KIF13A: variants seen among roughly 807,000 people sequenced by gnomAD.
KIF13A encodes the protein kinesin family member 13A, also known as kinesin-like protein KIF13A.
Under a neutral mutation model 212.2 loss-of-function variants are expected in KIF13A, and 79 were observed. That is an observed-to-expected ratio of 0.37 (90% confidence interval 0.31 to 0.45). The LOEUF (loss-of-function observed/expected upper bound fraction) is 0.45. Ranked by LOEUF, KIF13A falls within the 20% of genes least tolerant of loss-of-function variation. The pLI is 1.00. For missense variants in KIF13A, 1,901 were observed against 2,209.0 expected (o/e 0.86, Z 2.79); for synonymous variants, 789 against 808.6 (o/e 0.98, Z 0.41).
chr6:17,855,474 A>G lies in KIF13A; in HGVS notation c.457T>C (p.Tyr153His). Residue 153 changes from tyrosine (Y) to histidine (H), a missense_variant, in exon 6 of 39, where the codon TAT becomes CAT. Tyr to His is a moderately conservative substitution (Grantham distance 83, BLOSUM62 2). This residue lies in a region of KIF13A where 506 missense variants were observed against 637.4 expected (regional missense o/e 0.79). Transcript: ENST00000259711. This position sits in a 1 kb window ranked among gnomAD's most constrained non-coding sequence, Gnocchi z 4.1. ...AAAAGATCCCGAACTTTCTCATTATAAATTTCCATATAGGACACTTCAACT... is the reference window on the plus strand; with the variant it reads ...AAAAGATCCCGAACTTTCTCATTATGAATTTCCATATAGGACACTTCAACT... Reference protein sequence around the residue: ...FKVEVSYMEIYNEKVRDLLDP... With the variant: ...FKVEVSYMEIHNEKVRDLLDP... 1 of 1,612,966 alleles carries G rather than the reference A, an allele frequency of 6.2e-7. No individual in the cohort carries two copies. The highest frequency in any genetic ancestry group is 8.5e-7 in the Non-Finnish European group (1 of 1,179,560).
chr6:17,851,804 CCT>C (rs1448454090), intron 7 of KIF13A, 149 bp downstream of exon 7: 3 of 420,012 alleles, frequency 7.1e-6, no homozygotes, highest in South Asian at 8.9e-5. Context: ...AAGCCCTTTT[CCT>C]CTCTGTTTGC....
At chr6:17,882,158 G>A (rs777043706) in intron 3 of KIF13A, 17 of 437,394 alleles carry the variant, frequency 3.9e-5, no homozygotes, top group Middle Eastern at 3.5e-4. Context: ...TTGTCCTTTC[G>A]AGTTGTGTGC....
At position 17,773,264 on chromosome 6, in the gene KIF13A, A is replaced by AG. The variant is rs1759650340; in HGVS notation, c.4324+213dup. ...AGAAGTTCTAAAGTAATACACAAAA[A>AG]GTCTATGATTATTTGGGTGATATGT... On this transcript the variant is annotated intron_variant, in intron 36 of 38. Coordinates refer to ENST00000259711, the MANE Select transcript of KIF13A (RefSeq NM_022113.6). This position sits in a 1 kb window ranked among gnomAD's most constrained non-coding sequence, Gnocchi z 4.2. Among the ~76,000 whole-genome samples the AG allele has an allele frequency of 6.6e-6, 1 of 152,234 alleles. No individual in the cohort carries two copies. The highest frequency in any genetic ancestry group is 1.5e-5 in the Non-Finnish European group (1 of 68,038).
rs915113483 is a variant in KIF13A at position 17,886,180 on chromosome 6, A to G, written c.159+11988T>C. ...CCTAGATTAAATCTGAGTCATGCTA[A>G]TATCACCCACCATGAGCAATCTCTG... On this transcript the variant is annotated intron_variant, in intron 3 of 38. Transcript: ENST00000259711. The surrounding 1 kb of genome is among the most constrained non-coding windows in gnomAD (Gnocchi z 5.6). Among the ~76,000 whole-genome samples the G allele has an allele frequency of 6.6e-6, 1 of 152,234 alleles. No homozygotes were observed. Among genetic ancestry groups the G allele is most frequent in the African/African-American group, 2.4e-5 (1 of 41,454 alleles).
intron 2 of KIF13A, among the ~76,000 whole-genome samples, chr6:17,916,980 C>T (rs1774567501): frequency 6.7e-6 from 1 of 150,352 alleles, no homozygotes; most frequent in Non-Finnish European, 1.5e-5. Flanking sequence ...TAAATAAAGC[C>T]ACCATTACTA....
intron 3 of KIF13A, among the ~76,000 whole-genome samples, chr6:17,889,874 C>T (rs1771886030): frequency 6.6e-6 from 1 of 152,088 alleles, no homozygotes; most frequent in Admixed American, 6.6e-5. Context: ...TCTCTTAGCG[C>T]CAGGCATTGT....
intron 38 of KIF13A, 76 bp from the exon 39 acceptor site, chr6:17,765,022 G>T: frequency 9.1e-7 from 1 of 1,099,684 alleles, no homozygotes; most frequent in African/African-American, 1.6e-5. Context: ...TAAATACTTG[G>T]CTGTTAAAGG....
At chr6:17,904,379 A>T (rs527505818) in intron 2 of KIF13A, among the ~76,000 whole-genome samples, 1 of 152,250 alleles carries the variant, frequency 6.6e-6, no homozygotes, top group Admixed American at 6.5e-5. Context: ...GAGGCAGGAG[A>T]ATCACTTGAA....
At chr6:17,885,171 C>T (rs724916) in intron 3 of KIF13A, among the ~76,000 whole-genome samples, 114,923 of 151,918 alleles carry the variant, frequency 0.76, 43,815 homozygotes, top group South Asian at 0.84. Context: ...TGGACTGAAA[C>T]TGAAAGGAAA....
chr6:17,906,042 A>G (rs994896572), intron 2 of KIF13A, among the ~76,000 whole-genome samples: 1 of 152,342 alleles, frequency 6.6e-6, no homozygotes, highest in African/African-American at 2.4e-5. Flanking sequence ...CATCTGGAAG[A>G]CCTTTGAAAC....
Position 17,786,525 on chromosome 6 carries a change from GGGA to G in KIF13A, c.3362-887_3362-885del, listed in dbSNP as rs1359958741. 6.6e-6 allele frequency among the ~76,000 whole-genome samples: 1 copy of G among 152,030 alleles called. No individual in the cohort carries two copies. Among genetic ancestry groups the G allele is most frequent in the Non-Finnish European group, 1.5e-5 (1 of 67,994 alleles). On this transcript the variant is annotated intron_variant, in intron 27 of 38. Coordinates refer to ENST00000259711, the MANE Select transcript of KIF13A (RefSeq NM_022113.6). This position sits in a 1 kb window ranked among gnomAD's most constrained non-coding sequence, Gnocchi z 5.4. ...TGAGGCAGGAGAATTGCTTGAACCTGGGAGGAGGAGGTTGCAGTGGGCCAAGAT... is the reference window on the plus strand; with the variant it reads ...TGAGGCAGGAGAATTGCTTGAACCTGGGAGGAGGTTGCAGTGGGCCAAGAT...
chr6:17,967,781 G>T lies in KIF13A; in HGVS notation c.146+19273C>A, dbSNP rs191476431. 1.9e-3 allele frequency among the ~76,000 whole-genome samples: 285 copies of T among 152,238 alleles called. 6 individuals are homozygous for T. The highest frequency in any genetic ancestry group is 0.016 in the Admixed American group (246 of 15,288). ...CTGAACCAAGAAGGCTCAACCATGG[G>T]ACTAGGACCCGCTGATGTTTGACAA... On this transcript the variant is annotated intron_variant, in intron 2 of 38. Coordinates refer to ENST00000259711, the MANE Select transcript of KIF13A (RefSeq NM_022113.6). The surrounding 1 kb of genome is among the most constrained non-coding windows in gnomAD (Gnocchi z 4.1).
chr6:17,881,197 G>T (rs9383330), intron 3 of KIF13A, among the ~76,000 whole-genome samples: 60,831 of 151,920 alleles, frequency 0.4, 12,970 homozygotes, highest in East Asian at 0.58. Flanking sequence ...TTAATTCCCT[G>T]CAGCTTGTGG....
intron 4 of KIF13A, among the ~76,000 whole-genome samples, chr6:17,866,828 CATAT>C (rs60217235): frequency 0.11 from 2,277 of 21,414 alleles, 39 homozygotes; most frequent in Non-Finnish European, 0.13. Flanking sequence ...AAAAGCAGCG[CATAT>C]ATATATATAT....
chr6:17,975,566 C>CT (rs1245618068), intron 2 of KIF13A, among the ~76,000 whole-genome samples: 2 of 152,192 alleles, frequency 1.3e-5, no homozygotes, highest in African/African-American at 2.4e-5. Flanking sequence ...GCTTCCAGTA[C>CT]AGAACAAAAC....
intron 3 of KIF13A, among the ~76,000 whole-genome samples, chr6:17,876,853 T>C (rs1770607985): frequency 6.6e-6 from 1 of 152,186 alleles, no homozygotes; most frequent in African/African-American, 2.4e-5. Context: ...CAGACTGGTA[T>C]CAAACTCTTG....
rs1766047544 is a variant in KIF13A, at chr6:17,837,219, T to G, written c.943-129A>C. ...AACATTATGTGGAAATGGACTTGCA[T>G]TTCACAAATAACGTCATGACAAGAT... On this transcript the variant is annotated intron_variant, in intron 10 of 38. Coordinates refer to ENST00000259711, the MANE Select transcript of KIF13A (RefSeq NM_022113.6). The surrounding 1 kb of genome is among the most constrained non-coding windows in gnomAD (Gnocchi z 5.4). 7.0e-6 allele frequency: 6 copies of G among 855,702 alleles called. No individual in the cohort carries two copies. Among genetic ancestry groups the G allele is most frequent in the Non-Finnish European group, 9.3e-6 (5 of 538,316 alleles). 53.0% of individuals were successfully genotyped at this position (855,702 alleles called of 1,614,324 possible).
At chr6:17,803,340 C>T (rs1762638984) in intron 20 of KIF13A, among the ~76,000 whole-genome samples, 1 of 152,028 alleles carries the variant, frequency 6.6e-6, no homozygotes, top group Admixed American at 6.5e-5. Flanking sequence ...TGGGAAAAAG[C>T]TCTGTTAGGC....
In KIF13A at chr6:17,826,954, T is replaced by C. The variant is rs1765014949; in HGVS notation, c.1533-830A>G. Among the ~76,000 whole-genome samples, 1 of 151,810 alleles carries C rather than the reference T, an allele frequency of 6.6e-6. No homozygotes were observed. The highest frequency in any genetic ancestry group is 2.4e-5 in the African/African-American group (1 of 41,318). ...GGTGGGCGCCTGTAATCCCAGCTAC[T>C]TGGGAGGCGAGGCAGGAGGTTTGCT... On this transcript the variant is annotated intron_variant, in intron 14 of 38. Coordinates refer to ENST00000259711, the MANE Select transcript of KIF13A (RefSeq NM_022113.6). The surrounding 1 kb of genome is among the most constrained non-coding windows in gnomAD (Gnocchi z 4.7).
Sources: allele counts gnomAD v4.1 joint callset (sites outside exome capture counted in the v4.1 genomes callset), GRCh38; gene constraint gnomAD v4.1.1; regional missense constraint gnomAD v4.1.1; non-coding constraint Gnocchi (gnomAD v3.1); transcripts MANE v1.5; gene names NCBI Gene and HGNC (gene_info 2026-07-23, HGNC 2026-07-21).